Variants in DLG2 observed in about 807,000 individuals in gnomAD.
DLG2 encodes the protein discs large MAGUK scaffold protein 2, also known as disks large homolog 2.
Under a neutral mutation model 132.5 loss-of-function variants are expected in DLG2, and 45 were observed. The observed-to-expected ratio is 0.34, with a 90% CI of 0.27 to 0.44. The LOEUF (loss-of-function observed/expected upper bound fraction) is 0.44, where lower values mean the gene tolerates loss of function less well. Among genes scored for constraint, DLG2 ranks in the 20% least tolerant of loss-of-function variants. DLG2 has a pLI of 1.00. For synonymous variants in DLG2, 424 were observed against 419.6 expected (o/e 1.01, Z -0.13); for missense variants, 1,045 against 1,196.9 (o/e 0.87, Z 1.87).
chr11:84,532,587 C>T (rs1330845826), intron 7 of DLG2, among the ~76,000 whole-genome samples: 1 of 152,052 alleles, frequency 6.6e-6, no homozygotes, highest in Non-Finnish European at 1.5e-5. Context: ...CCTCAACTTC[C>T]TGGGCTCAAA....
chr11:84,390,674 G>A (rs549003047), intron 7 of DLG2, among the ~76,000 whole-genome samples: 1 of 152,182 alleles, frequency 6.6e-6, no homozygotes, highest in Non-Finnish European at 1.5e-5. Flanking sequence ...CCTGGTCTTA[G>A]AGGCTGTGAG....
rs115143151 is a variant in DLG2, at chr11:83,677,714, T to C, written c.1826-44389A>G. ...AAAACAAAATCCCCCAAACCTCAAA[T>C]TTCTTAGTAATTACAAAAAGATTTG... On this transcript the variant is annotated intron_variant, in intron 18 of 27. Coordinates refer to ENST00000376104, the MANE Select transcript of DLG2 (RefSeq NM_001142699.3). Among the ~76,000 whole-genome samples the C allele has an allele frequency of 7.3e-3, 1,109 of 152,200 alleles. 10 individuals are homozygous for C. Among genetic ancestry groups the C allele is most frequent in the African/African-American group, 0.025 (1,038 of 41,464 alleles).
At chr11:85,475,802 T>A (rs570433829) in intron 3 of DLG2, among the ~76,000 whole-genome samples, 5 of 152,116 alleles carry the variant, frequency 3.3e-5, no homozygotes, top group Non-Finnish European at 7.4e-5. Flanking sequence ...CTCAATGTCA[T>A]CCAGCTTACT....
chr11:83,910,031 G>A (rs560622096), intron 15 of DLG2, among the ~76,000 whole-genome samples: 8 of 152,242 alleles, frequency 5.3e-5, no homozygotes, highest in African/African-American at 1.9e-4. Context: ...AAAACAGGAT[G>A]GAGAATTTTA....
intron 7 of DLG2, among the ~76,000 whole-genome samples, chr11:84,411,259 T>C (rs1328039468): frequency 2.0e-5 from 3 of 152,238 alleles, no homozygotes; most frequent in Non-Finnish European, 4.4e-5. Flanking sequence ...AATTAATATT[T>C]ACCACATTTT....
At chr11:83,720,426 T>C (rs35003481) in intron 18 of DLG2, among the ~76,000 whole-genome samples, 1 of 151,594 alleles carries the variant, frequency 6.6e-6, no homozygotes, top group African/African-American at 2.4e-5. Flanking sequence ...AAGTGTATTG[T>C]GTTCTTTACC....
In DLG2 at chr11:83,844,156, AC is replaced by A. The variant is rs2058149474; in HGVS notation, c.1566-10387del. On this transcript the variant is annotated intron_variant, in intron 16 of 27. Transcript: ENST00000376104. The stretch of plus-strand genomic sequence containing the variant: ...CAAAATTAGGACCCTGTGAGGCTAC[AC>A]CCCAAACAAAAGGATAAAGTACAAA... Among the ~76,000 whole-genome samples, 6 of 152,172 alleles carry A rather than the reference AC, an allele frequency of 3.9e-5. No individual in the cohort carries two copies. The South Asian group carries it at 1.2e-3, about 32-fold the overall frequency.
chr11:85,482,529 C>A (rs2093322898), intron 3 of DLG2, among the ~76,000 whole-genome samples: 3 of 152,158 alleles, frequency 2.0e-5, no homozygotes, highest in Admixed American at 2.0e-4. Flanking sequence ...CAATCTGGTT[C>A]CTTGTCCCAA....
At chr11:83,980,197 A>G (rs895832240) in intron 12 of DLG2, among the ~76,000 whole-genome samples, 1 of 152,116 alleles carries the variant, frequency 6.6e-6, no homozygotes, top group Non-Finnish European at 1.5e-5. Flanking sequence ...GCCTTGTAAG[A>G]GGTGGCTTTG....
At chr11:83,559,950 CT>C (rs1478166094) in intron 19 of DLG2, among the ~76,000 whole-genome samples, 2 of 152,098 alleles carry the variant, frequency 1.3e-5, no homozygotes, top group Non-Finnish European at 2.9e-5. Flanking sequence ...CCTGATGCTT[CT>C]TATATATAAG....
intron 2 of DLG2, among the ~76,000 whole-genome samples, chr11:85,605,605 C>T (rs1175210059): frequency 5.3e-5 from 8 of 152,092 alleles, no homozygotes; most frequent in Non-Finnish European, 1.2e-4. Flanking sequence ...AATAGTCTAC[C>T]CTCACAGAGA....
At chr11:84,420,852 T>C (rs1156777489) in intron 7 of DLG2, among the ~76,000 whole-genome samples, 1 of 150,952 alleles carries the variant, frequency 6.6e-6, no homozygotes, top group Non-Finnish European at 1.5e-5. Context: ...GTATTTTTAG[T>C]AGAGACGGGG....
At chr11:84,934,525 G>GTTTT (rs757894179) in intron 6 of DLG2, among the ~76,000 whole-genome samples, 36 of 38,648 alleles carry the variant, frequency 9.3e-4, no homozygotes, top group Non-Finnish European at 1.2e-3. Flanking sequence ...GTTTTGTTTT[G>GTTTT]TTTTTTTTTT....
intron 6 of DLG2, among the ~76,000 whole-genome samples, chr11:84,968,244 G>A (rs959861566): frequency 6.6e-6 from 1 of 152,074 alleles, no homozygotes; most frequent in Non-Finnish European, 1.5e-5. Context: ...ATATATAATA[G>A]ATTTAGCACA....
chr11:83,920,592 G>T (rs537679343), intron 15 of DLG2, among the ~76,000 whole-genome samples: 5 of 151,952 alleles, frequency 3.3e-5, no homozygotes, highest in African/African-American at 1.2e-4. Context: ...CTATTGGGGG[G>T]GTCACAATAC....
At chr11:83,518,430 T>G (rs2095369118) in intron 21 of DLG2, among the ~76,000 whole-genome samples, 1 of 152,202 alleles carries the variant, frequency 6.6e-6, no homozygotes, top group African/African-American at 2.4e-5. Flanking sequence ...ACCCCTTTTC[T>G]TGGCTGGGAA....
intron 6 of DLG2, among the ~76,000 whole-genome samples, chr11:84,982,251 A>C (rs2055863011): frequency 2.0e-5 from 3 of 152,066 alleles, no homozygotes; most frequent in Admixed American, 6.6e-5. Context: ...TGAGTACCCA[A>C]CTGCCTGTGT....
intron 6 of DLG2, among the ~76,000 whole-genome samples, chr11:84,994,962 T>C (rs1303320098): frequency 6.6e-6 from 1 of 152,164 alleles, no homozygotes; most frequent in Non-Finnish European, 1.5e-5. Flanking sequence ...AGCACACAGA[T>C]AGATTCTTCT....
intron 3 of DLG2, among the ~76,000 whole-genome samples, chr11:85,537,895 T>A (rs2153200713): frequency 6.6e-6 from 1 of 151,964 alleles, no homozygotes; most frequent in Admixed American, 6.5e-5. Context: ...GGTGGGTGGA[T>A]CATGAGGTCA....
Sources: gnomAD v4.1 joint callset for allele counts (sites outside exome capture counted in the v4.1 genomes callset) on GRCh38, gnomAD v4.1.1 for gene constraint, MANE v1.5 for transcripts, NCBI Gene and HGNC (gene_info 2026-07-23, HGNC 2026-07-21) for gene names.